The following DOCK9 variants were observed in gnomAD, a reference collection of about 807,000 sequenced individuals.
DOCK9 encodes the protein dedicator of cytokinesis 9.
In DOCK9, 89 loss-of-function variants were observed where a neutral mutation model predicts 263.3. That is an observed-to-expected ratio of 0.34 (90% CI 0.28 to 0.40). The LOEUF (loss-of-function observed/expected upper bound fraction) is 0.40, where lower values mean the gene tolerates loss of function less well. Ranked by LOEUF, DOCK9 falls within the 10% of genes least tolerant of loss-of-function variation. The pLI is 1.00. For synonymous variants in DOCK9, 976 were observed against 973.1 expected (o/e 1.00, Z -0.06); for missense variants, 2,140 against 2,603.4 (o/e 0.82, Z 3.87).
chr13:99,021,511 C>T (rs1259291208), intron 1 of DOCK9, among the ~76,000 whole-genome samples: 1 of 151,778 alleles, frequency 6.6e-6, no homozygotes, highest in East Asian at 1.9e-4. Flanking sequence ...TGGTGGCGGG[C>T]GCCTGTAGTC....
rs575163490 is a variant in DOCK9 at position 98,823,866 on chromosome 13, G to A, written c.5130+532C>T. 7.9e-5 allele frequency among the ~76,000 whole-genome samples: 12 copies of A among 152,280 alleles called. No individual in the cohort carries two copies. The South Asian group carries it at 1.2e-3, about 16-fold the overall frequency. On this transcript the variant is annotated intron_variant, in intron 45 of 52. Coordinates refer to ENST00000682017, the MANE Select transcript of DOCK9 (RefSeq NM_001366683.2). ...ACTTGCTGGTCTCTGTAGGGGGTGC[G>A]ACAGGGTGGTCCTGTTTCCTAAGGG...
chr13:99,020,010 G>A (rs1167267955), intron 1 of DOCK9, among the ~76,000 whole-genome samples: 1 of 152,188 alleles, frequency 6.6e-6, no homozygotes, highest in East Asian at 1.9e-4. Context: ...GCTGATGCAG[G>A]AGAATCACTT....
At chr13:98,795,682 G>A (rs1329646611) in intron 52 of DOCK9, among the ~76,000 whole-genome samples, 1 of 152,012 alleles carries the variant, frequency 6.6e-6, no homozygotes, top group African/African-American at 2.4e-5. Context: ...AGTTTTCTCT[G>A]AAAATCGGTT....
intron 1 of DOCK9, among the ~76,000 whole-genome samples, chr13:98,993,921 A>C (rs1480040309): frequency 1.3e-5 from 2 of 152,186 alleles, no homozygotes; most frequent in Non-Finnish European, 2.9e-5. Flanking sequence ...AAGAGAAAAA[A>C]ATATTATGAC....
At chr13:98,856,124 C>A in intron 33 of DOCK9, 93 bp from the exon 34 acceptor site, 5 of 1,342,154 alleles carry the variant, frequency 3.7e-6, no homozygotes, top group East Asian at 2.4e-5. Context: ...TTTTATTGCA[C>A]TTATTTTTTC....
At chr13:98,978,134 C>T, upstream of DOCK9, 3 of 1,366,530 alleles carry the variant, frequency 2.2e-6, no homozygotes, top group East Asian at 2.6e-5. Context: ...AAAGGGGAGG[C>T]TCCTACTTGC....
intron 2 of DOCK9, among the ~76,000 whole-genome samples, chr13:98,952,978 C>T (rs531944853): frequency 2.9e-4 from 44 of 152,262 alleles, no homozygotes; most frequent in African/African-American, 1.1e-3. Context: ...TTCCCTCTGC[C>T]TCTAATAATA....
At chr13:99,017,676 C>T (rs1187622557) in intron 1 of DOCK9, among the ~76,000 whole-genome samples, 1 of 152,136 alleles carries the variant, frequency 6.6e-6, no homozygotes, top group Non-Finnish European at 1.5e-5. Flanking sequence ...CTGGACCACA[C>T]TGGAAGAAGA....
chr13:99,003,462 G>A (rs1882760003), intron 1 of DOCK9, among the ~76,000 whole-genome samples: 1 of 152,156 alleles, frequency 6.6e-6, no homozygotes, highest in Non-Finnish European at 1.5e-5. Flanking sequence ...TCTGTGCTGG[G>A]ATCCACACTC....
At chr13:98,905,359 C>T (rs1415916555) in intron 9 of DOCK9, among the ~76,000 whole-genome samples, 1 of 152,122 alleles carries the variant, frequency 6.6e-6, no homozygotes, top group Non-Finnish European at 1.5e-5. Flanking sequence ...AGCATATCAA[C>T]AGGTAATAAG....
At chr13:98,813,928 A>C (rs555031052) in intron 45 of DOCK9, among the ~76,000 whole-genome samples, 5 of 152,218 alleles carry the variant, frequency 3.3e-5, no homozygotes, top group Non-Finnish European at 5.9e-5. Context: ...GGCATGAGCC[A>C]CTGCGCCCAG....
intron 1 of DOCK9, among the ~76,000 whole-genome samples, chr13:99,001,957 G>T (rs1882418142): frequency 6.6e-6 from 1 of 152,180 alleles, no homozygotes; most frequent in African/African-American, 2.4e-5. Context: ...GCAAGACCAA[G>T]AGTGAGCTCC....
At chr13:98,854,725 G>A (rs1594704766) in intron 34 of DOCK9, 1 of 152,098 alleles carries the variant, frequency 6.6e-6, no homozygotes, top group African/African-American at 2.4e-5. Flanking sequence ...GAGTGCCTTC[G>A]GAGCAGCTTC....
At chr13:98,923,566 T>C (rs2052429843) in intron 4 of DOCK9, among the ~76,000 whole-genome samples, 195 bp from the exon 5 acceptor site, 1 of 152,060 alleles carries the variant, frequency 6.6e-6, no homozygotes, top group South Asian at 2.1e-4. Flanking sequence ...GTAAGAAAGC[T>C]CCAAAAAGCT....
At chr13:98,924,364 G>GT (rs1334568599) in intron 4 of DOCK9, among the ~76,000 whole-genome samples, 4 of 152,214 alleles carry the variant, frequency 2.6e-5, no homozygotes, top group Admixed American at 2.6e-4. Context: ...GCTCAAAGAT[G>GT]TAACAAACGC....
intron 15 of DOCK9, among the ~76,000 whole-genome samples, chr13:98,890,526 T>C (rs1188159495): frequency 1.3e-5 from 2 of 152,206 alleles, no homozygotes; most frequent in Non-Finnish European, 2.9e-5. Context: ...GACTTAGTCT[T>C]AGGAAACACA....
chr13:99,008,234 A>ATATATTTTTT (rs1233268084), intron 1 of DOCK9, among the ~76,000 whole-genome samples: 1 of 94,046 alleles, frequency 1.1e-5, no homozygotes, highest in African/African-American at 4.4e-5. Context: ...ATATATATAT[A>ATATATTTTTT]TTTTTTTTTT....
At chr13:99,069,151 C>G (rs998107240) in intron 1 of DOCK9, among the ~76,000 whole-genome samples, 1 of 152,276 alleles carries the variant, frequency 6.6e-6, no homozygotes, top group Non-Finnish European at 1.5e-5. Flanking sequence ...GGTTTTTTCT[C>G]AAGCCACATC....
chr13:99,082,293 G>A (rs529645285), intron 1 of DOCK9, among the ~76,000 whole-genome samples: 6 of 151,820 alleles, frequency 4.0e-5, no homozygotes, highest in Admixed American at 1.3e-4. Flanking sequence ...CGAGGTGGGC[G>A]GATCACCTGA....
Sources: gnomAD v4.1 joint callset for allele counts (sites outside exome capture counted in the v4.1 genomes callset) on GRCh38, gnomAD v4.1.1 for gene constraint, MANE v1.5 for transcripts, NCBI Gene and HGNC (gene_info 2026-07-23, HGNC 2026-07-21) for gene names.